Variants in FBN3 observed in about 807,000 individuals in gnomAD.
FBN3 encodes the protein fibrillin-3.
FBN3 carries 234 observed loss-of-function variants against 330.1 expected under a neutral mutation model. The observed-to-expected ratio is 0.71, with a 90% confidence interval of 0.64 to 0.79. The LOEUF (loss-of-function observed/expected upper bound fraction) is 0.79, where lower values mean the gene tolerates loss of function less well. FBN3 is among the 30% of genes least tolerant of loss of function. The probability of loss-of-function intolerance (pLI) is 0.00; values close to 1 mark genes in which losing one functional copy is unlikely to be tolerated. For missense variants in FBN3, 3,606 were observed against 3,886.9 expected, an observed-to-expected ratio of 0.93 and a Z score of 1.92; for synonymous variants, 1,458 against 1,517.3, an observed-to-expected ratio of 0.96 and a Z score of 0.91.
At chr19:8,139,795 A>G (rs951280863) in intron 8 of FBN3, among the ~76,000 whole-genome samples, 3 of 151,856 alleles carry the variant, frequency 2.0e-5, no homozygotes, top group Non-Finnish European at 2.9e-5. Flanking sequence ...GCATATTTTT[A>G]GGCTTAAAAA....
intron 41 of FBN3, 90 bp from the exon 42 acceptor site, chr19:8,097,504 G>C: frequency 1.4e-6 from 2 of 1,406,258 alleles, no homozygotes; most frequent in South Asian, 3.1e-5. Context: ...CTGCAATCTG[G>C]TTGAGGCTGT....
chr19:8,102,810 T>G lies in FBN3; in HGVS notation c.5003A>C (p.Asn1668Thr), dbSNP rs200308841. 16 of 1,613,982 alleles carry G rather than the reference T, an allele frequency of 9.9e-6. No homozygotes were observed. The highest frequency in any genetic ancestry group is 1.3e-5 in the African/African-American group (1 of 74,892). ...GCAGCAACACATTTTCCGGGTCACGTTGAAGGCCAGCTCATTTTGACATGT... is the reference window on the plus strand; with the variant it reads ...GCAGCAACACATTTTCCGGGTCACGGTGAAGGCCAGCTCATTTTGACATGT... ...NGTCQNELAF[N>T]VTRKMCCCSY... Residue 1668 changes from asparagine (N) to threonine (T), a missense_variant, in exon 40 of 64, where the codon AAC (asparagine) becomes ACC (threonine). Transcript: ENST00000600128.
intron 25 of FBN3, among the ~76,000 whole-genome samples, chr19:8,119,361 G>C (rs1231806765): frequency 6.6e-6 from 1 of 152,190 alleles, no homozygotes; most frequent in Admixed American, 6.5e-5. Flanking sequence ...AGGACTCAGG[G>C]CAGGGAGCAG....
At chr19:8,138,624 C>A in intron 8 of FBN3, 60 bp from the exon 9 acceptor site, 1 of 1,499,890 alleles carries the variant, frequency 6.7e-7, no homozygotes. Flanking sequence ...GACCTGGATC[C>A]AAATTCCAGC....
At position 8,147,297 on chromosome 19, in the gene FBN3, T is replaced by A; in HGVS notation, c.167+17A>T. 6.3e-7 allele frequency: 1 copy of A among 1,587,604 alleles called. No homozygotes were observed. Among genetic ancestry groups the A allele is most frequent in the South Asian group, 1.1e-5 (1 of 87,578 alleles). ...TCCACACCGAAGGGGTCTCCCAGCA[T>A]CCCAGGTACCACGCACCCCTGCAAG... On this transcript the variant is annotated intron_variant, in intron 2 of 63. Coordinates refer to ENST00000600128, the MANE Select transcript of FBN3 (RefSeq NM_032447.5).
intron 1 of FBN3, among the ~76,000 whole-genome samples, chr19:8,148,042 G>A (rs1245098682): frequency 1.3e-5 from 2 of 152,086 alleles, no homozygotes; most frequent in South Asian, 2.1e-4. Context: ...GATTCCCAAA[G>A]TTCTAGCTGG....
In FBN3 at chr19:8,120,920, T is replaced by C. The variant is rs142799901; in HGVS notation, c.3211+338A>G. ...GGATGCATGTGAAATGCTCATCAAA[T>C]GAATAACGAAGTCAATGATGGGGAC... is the stretch of plus-strand genomic sequence containing the variant. On this transcript the variant is annotated intron_variant, in intron 25 of 63. Coordinates refer to ENST00000600128, the MANE Select transcript of FBN3 (RefSeq NM_032447.5). 7.5e-3 allele frequency among the ~76,000 whole-genome samples: 1,144 copies of C among 152,298 alleles called. 5 individuals are homozygous for C. The highest frequency in any genetic ancestry group is 0.012 in the Non-Finnish European group (806 of 68,020).
intron 22 of FBN3, among the ~76,000 whole-genome samples, chr19:8,124,632 G>C (rs1188670331): frequency 6.6e-6 from 1 of 151,206 alleles, no homozygotes; most frequent in African/African-American, 2.4e-5. Context: ...CCGCCTCCCG[G>C]GTTCAAGCGA....
At chr19:8,124,055 C>G in intron 22 of FBN3, 47 bp from the exon 23 acceptor site, 1 of 1,505,992 alleles carries the variant, frequency 6.6e-7, no homozygotes, top group Non-Finnish European at 9.1e-7. Context: ...CACACTGTGC[C>G]CACTGCGGGA....
chr19:8,076,970 C>G (rs1268333876), intron 59 of FBN3, among the ~76,000 whole-genome samples: 1 of 152,136 alleles, frequency 6.6e-6, no homozygotes, highest in African/African-American at 2.4e-5. Flanking sequence ...CACTATGTTG[C>G]CCAGGCTGGT....
chr19:8,104,471 TAA>T (rs5826993), intron 38 of FBN3, among the ~76,000 whole-genome samples: 2,654 of 142,028 alleles, frequency 0.019, 39 homozygotes, highest in African/African-American at 0.043. Context: ...ACACTGGCTC[TAA>T]AAAAAAAAAA....
Position 8,123,818 on chromosome 19 carries a change from G to A in FBN3, c.2922C>T (p.Ser974=). ...SLCPRGLGFA[S]RDFLSGRPFY... ...ATGGTCGGCCAGACAGGAAGTCCCGGCTGGCGAAGCCCAGCCCCCGCGGGC... is the reference window on the plus strand; with the variant it reads ...ATGGTCGGCCAGACAGGAAGTCCCGACTGGCGAAGCCCAGCCCCCGCGGGC... The change falls in exon 23 of 64, where the codon AGC becomes AGT. Residue 974 remains serine, a synonymous_variant. Coordinates refer to ENST00000600128, the MANE Select transcript of FBN3 (RefSeq NM_032447.5). 1 of 1,613,068 alleles carries A rather than the reference G, an allele frequency of 6.2e-7. No homozygotes were observed. Among genetic ancestry groups the A allele is most frequent in the East Asian group, 2.2e-5 (1 of 44,882 alleles).
intron 10 of FBN3, 77 bp downstream of exon 10, chr19:8,138,064 C>T: frequency 6.9e-7 from 1 of 1,453,226 alleles, no homozygotes; most frequent in African/African-American, 1.4e-5. Context: ...GACACCGTCC[C>T]CTGTTTGGAG....
chr19:8,099,276 ATTTTTTT>A (rs386388494), intron 41 of FBN3, among the ~76,000 whole-genome samples: 30 of 98,886 alleles, frequency 3.0e-4, no homozygotes, highest in East Asian at 9.2e-4. Flanking sequence ...TCATGGTTTG[ATTTTTTT>A]TTTTTTTTTT....
chr19:8,136,296 G>T lies in FBN3; in HGVS notation c.1359C>A (p.Cys453Ter), dbSNP rs764204317. The T allele has an allele frequency of 3.7e-6, 6 of 1,602,352 alleles. No individual in the cohort carries two copies. The highest frequency in any genetic ancestry group is 5.1e-6 in the Non-Finnish European group (6 of 1,175,352). ...VRGECIDVDE[C>*]TSSPCHHGDC... Reference sequence around the variant, plus strand: ...CACCGTGGTGGCAGGGGCTGCTGGTGCATTCGTCTACATCTGAGGGGAGAG... The same window carrying T: ...CACCGTGGTGGCAGGGGCTGCTGGTTCATTCGTCTACATCTGAGGGGAGAG... The change falls in exon 12 of 64, where the codon TGC becomes TGA. Residue 453 changes from cysteine to a stop codon, truncating the protein, a stop_gained. Transcript: ENST00000600128. LOFTEE classifies it high-confidence loss of function.
Position 8,111,632 on chromosome 19 carries a change from AC to A in FBN3, c.4084+15del. The A allele has an allele frequency of 1.2e-6, 1 of 827,368 alleles. No homozygotes were observed. The highest frequency in any genetic ancestry group is 1.7e-6 in the Non-Finnish European group (1 of 576,012). 51.3% of individuals were successfully genotyped at this position (827,368 alleles called of 1,614,324 possible). On this transcript the variant is annotated intron_variant, in intron 32 of 63. Coordinates refer to ENST00000600128, the MANE Select transcript of FBN3 (RefSeq NM_032447.5). The stretch of plus-strand genomic sequence containing the variant: ...GTCCCTCTAGGGCCCCTGCCCTCCC[AC>A]CCCTCTAATCTCACCTTCGCAGAAG...
At chr19:8,132,940 A>G in intron 14 of FBN3, 44 bp downstream of exon 14, 2 of 1,500,230 alleles carry the variant, frequency 1.3e-6, no homozygotes, top group Non-Finnish European at 1.8e-6. Context: ...CTGCTTCCCC[A>G]TCTCCCTTCT....
At chr19:8,134,098 C>T (rs1226474820) in intron 13 of FBN3, among the ~76,000 whole-genome samples, 3 of 150,830 alleles carry the variant, frequency 2.0e-5, no homozygotes, top group Non-Finnish European at 3.0e-5. Context: ...AAAAATCAGC[C>T]GGGCGTGGTG....
At position 8,096,234 on chromosome 19, in the gene FBN3, C is replaced by A. The variant is rs1274352088; in HGVS notation, c.5540-154G>T. On this transcript the variant is annotated intron_variant, in intron 44 of 63. Transcript: ENST00000600128. The surrounding 1 kb of genome is among the most constrained non-coding windows in gnomAD (Gnocchi z 4.6). ...CCCTGGCGGTGATGGCTGGGAAGTA[C>A]TCCTGGTATGATATATCACCCCCAT... Among the ~76,000 whole-genome samples, 2 of 152,194 alleles carry A rather than the reference C, an allele frequency of 1.3e-5. No homozygotes were observed. Among genetic ancestry groups the A allele is most frequent in the African/African-American group, 4.8e-5 (2 of 41,446 alleles).
Sources: allele counts gnomAD v4.1 joint callset (sites outside exome capture counted in the v4.1 genomes callset), GRCh38; gene constraint gnomAD v4.1.1; non-coding constraint Gnocchi (gnomAD v3.1); transcripts MANE v1.5; gene names NCBI Gene and HGNC (gene_info 2026-07-23, HGNC 2026-07-21).